DOK6: variants seen among roughly 807,000 people sequenced by gnomAD.
DOK6 encodes the protein docking protein 6.
DOK6 carries 22 observed loss-of-function variants against 44.0 expected under a neutral mutation model. The ratio of observed to expected loss-of-function variants is 0.50; its 90% CI spans 0.36 to 0.71. DOK6 has a LOEUF of 0.71. Among genes scored for constraint, DOK6 ranks in the 30% least tolerant of loss-of-function variants. The pLI, the probability that DOK6 is intolerant of heterozygous loss-of-function variation, is 0.00. For missense variants in DOK6, 340 were observed against 416.4 expected, an observed-to-expected ratio of 0.82 and a Z score of 1.60; for synonymous variants, 166 against 145.5, an observed-to-expected ratio of 1.14 and a Z score of -1.01.
chr18:69,450,672 T>A (rs1426804262), intron 1 of DOK6, among the ~76,000 whole-genome samples: 1 of 152,036 alleles, frequency 6.6e-6, no homozygotes, highest in African/African-American at 2.4e-5. Flanking sequence ...AAGGTTGGGT[T>A]ACCCTCAAAG....
chr18:69,727,057 C>T (rs759734563), intron 5 of DOK6, among the ~76,000 whole-genome samples: 1 of 152,084 alleles, frequency 6.6e-6, no homozygotes, highest in Non-Finnish European at 1.5e-5. Flanking sequence ...GGGTCCTACA[C>T]TACATTGTCC....
At chr18:69,565,748 A>G (rs1235601305) in intron 2 of DOK6, among the ~76,000 whole-genome samples, 3 of 152,078 alleles carry the variant, frequency 2.0e-5, no homozygotes, top group African/African-American at 4.8e-5. Flanking sequence ...TAGCTCATGT[A>G]TGTTTGGTTT....
At chr18:69,677,649 A>C in intron 3 of DOK6, 85 bp from the exon 4 acceptor site, 1 of 1,598,412 alleles carries the variant, frequency 6.3e-7, no homozygotes, top group Non-Finnish European at 8.5e-7. Context: ...CTTGCCAGTT[A>C]CCTGGGAAAA....
chr18:69,488,336 A>G (rs1980641040), intron 1 of DOK6, among the ~76,000 whole-genome samples: 1 of 152,086 alleles, frequency 6.6e-6, no homozygotes, highest in East Asian at 1.9e-4. Context: ...TGGGACACAA[A>G]CGTTCAGTCT....
At chr18:69,575,123 A>C (rs1002670214) in intron 2 of DOK6, among the ~76,000 whole-genome samples, 3 of 152,218 alleles carry the variant, frequency 2.0e-5, no homozygotes, top group South Asian at 2.1e-4. Context: ...AAAACTTTTT[A>C]AAAAGACTTT....
chr18:69,782,296 C>T (rs1432001801), intron 7 of DOK6, among the ~76,000 whole-genome samples: 1 of 151,026 alleles, frequency 6.6e-6, no homozygotes, highest in Non-Finnish European at 1.5e-5. Context: ...ACTGCAAGCT[C>T]CACCTCCCAG....
intron 7 of DOK6, among the ~76,000 whole-genome samples, chr18:69,787,077 G>A (rs1042561443): frequency 1.2e-4 from 19 of 152,096 alleles, no homozygotes; most frequent in African/African-American, 1.9e-4. Context: ...TTAGCCAGGC[G>A]TGGTGGTGCA....
At chr18:69,584,293 G>GT (rs1983446206) in intron 2 of DOK6, among the ~76,000 whole-genome samples, 2 of 151,710 alleles carry the variant, frequency 1.3e-5, no homozygotes. Context: ...TGTTGCTGTT[G>GT]TTTTTTCGTA....
chr18:69,568,347 G>A lies in DOK6; in HGVS notation c.174+3753G>A, dbSNP rs567558749. On this transcript the variant is annotated intron_variant, in intron 2 of 7. Coordinates refer to ENST00000382713, the MANE Select transcript of DOK6 (RefSeq NM_152721.6). ...ACTCCGATCCTGCTGAGTCATGCAG[G>A]ATGTTTACCTCGGCCTGTACTTGAC... is the stretch of plus-strand genomic sequence containing the variant. 6.6e-5 allele frequency among the ~76,000 whole-genome samples: 10 copies of A among 152,306 alleles called. No homozygotes were observed. The South Asian group carries it at 1.0e-3, about 16-fold the overall frequency.
chr18:69,452,048 T>G (rs1242594119), intron 1 of DOK6, among the ~76,000 whole-genome samples: 88 of 149,842 alleles, frequency 5.9e-4, no homozygotes, highest in Middle Eastern at 3.4e-3. Flanking sequence ...CAGAAGGCAA[T>G]AAATAACTAA....
chr18:69,493,500 T>C (rs1416225229), intron 1 of DOK6, among the ~76,000 whole-genome samples: 1 of 152,202 alleles, frequency 6.6e-6, no homozygotes, highest in African/African-American at 2.4e-5. Context: ...TGGAACACCA[T>C]AATCTGATTT....
At chr18:69,502,719 A>G (rs1370760265) in intron 1 of DOK6, among the ~76,000 whole-genome samples, 5 of 152,076 alleles carry the variant, frequency 3.3e-5, no homozygotes, top group South Asian at 2.1e-4. Flanking sequence ...AAGAGCATTC[A>G]CATGTGCTTG....
intron 4 of DOK6, among the ~76,000 whole-genome samples, chr18:69,685,804 A>C (rs558246421): frequency 6.6e-6 from 1 of 152,290 alleles, no homozygotes; most frequent in East Asian, 1.9e-4. Flanking sequence ...TTTGCGTTAT[A>C]ATTTTAACAT....
chr18:69,757,842 G>A lies in DOK6; in HGVS notation c.825G>A (p.Gln275=). The A allele has an allele frequency of 6.2e-7, 1 of 1,614,144 alleles. No individual in the cohort carries two copies. The highest frequency in any genetic ancestry group is 8.5e-7 in the Non-Finnish European group (1 of 1,179,984). The change falls in exon 7 of 8, where the codon CAG becomes CAA. Residue 275 remains glutamine (Q), a synonymous_variant. Transcript: ENST00000382713. ...CGTACTGGCATCACATCACTCGTCA[G>A]AACAGCGTTGGTGAAATCTACAGTT... ...RSAYWHHITR[Q]NSVGEIYSLQ...
chr18:69,707,143 T>G (rs1986653049), intron 5 of DOK6, among the ~76,000 whole-genome samples: 1 of 152,158 alleles, frequency 6.6e-6, no homozygotes, highest in Non-Finnish European at 1.5e-5. Flanking sequence ...GTGAAGGACC[T>G]CTTCAAGGAC....
chr18:69,755,322 TAA>T (rs898970078), intron 6 of DOK6, among the ~76,000 whole-genome samples: 1 of 151,508 alleles, frequency 6.6e-6, no homozygotes, highest in East Asian at 1.9e-4. Flanking sequence ...TCTCCCAGAA[TAA>T]AAAAAAGAGA....
rs778350610 is a variant in DOK6 at position 69,843,643 on chromosome 18, G to A, written c.*2260G>A. ...TCTCTTTCTTAGGAGACAAATACCTGTATGTAATTGCTTCAAGAACTCCAT... is the reference window on the plus strand; with the variant it reads ...TCTCTTTCTTAGGAGACAAATACCTATATGTAATTGCTTCAAGAACTCCAT... On this transcript the variant is annotated 3_prime_UTR_variant, in exon 8 of 8. Transcript: ENST00000382713. 1.3e-5 allele frequency: 2 copies of A among 152,182 alleles called. No individual in the cohort carries two copies. Among genetic ancestry groups the A allele is most frequent in the African/African-American group, 2.4e-5 (1 of 41,446 alleles). The allele number at this position is 152,182 out of a possible 1,614,324, so 9.4% of individuals were successfully genotyped here. A position where few individuals can be genotyped will look rare whatever the true frequency, so the allele number is the denominator to read the frequency against.
At chr18:69,641,021 T>A (rs935620122) in intron 3 of DOK6, among the ~76,000 whole-genome samples, 2 of 151,882 alleles carry the variant, frequency 1.3e-5, no homozygotes, top group East Asian at 3.9e-4. Flanking sequence ...ATCGAGACCA[T>A]CCTGGCCAAC....
chr18:69,629,486 C>T (rs889756114), intron 3 of DOK6, among the ~76,000 whole-genome samples: 4 of 152,176 alleles, frequency 2.6e-5, no homozygotes, highest in Admixed American at 2.6e-4. Context: ...TCCTCTCTTC[C>T]TGCATCTGGC....
Sources: allele counts gnomAD v4.1 joint callset (sites outside exome capture counted in the v4.1 genomes callset), GRCh38; gene constraint gnomAD v4.1.1; transcripts MANE v1.5; gene names NCBI Gene and HGNC (gene_info 2026-07-23, HGNC 2026-07-21).